The following ARHGAP32 variants were observed in gnomAD, a reference collection of about 807,000 sequenced individuals.
The protein encoded by ARHGAP32 is rho GTPase-activating protein 32.
In ARHGAP32, 51 loss-of-function variants were observed where a neutral mutation model predicts 186.5. That is an observed-to-expected ratio of 0.27 (90% confidence interval 0.22 to 0.35). The LOEUF (loss-of-function observed/expected upper bound fraction) is 0.35. ARHGAP32 is among the 10% of genes least tolerant of loss of function. ARHGAP32 has a pLI of 1.00. For synonymous variants in ARHGAP32, 950 were observed against 964.3 expected (o/e 0.99, Z 0.27); for missense variants, 2,186 against 2,623.5 (o/e 0.83, Z 3.64).
In ARHGAP32 at chr11:129,131,822, T is replaced by G. The variant is rs535148719; in HGVS notation, c.226-6928A>C. ...GAGAAACAATAAAGGAAGACCCTACTGTATAAAGTCTGTGGGGATAACCCT... is the reference window on the plus strand; with the variant it reads ...GAGAAACAATAAAGGAAGACCCTACGGTATAAAGTCTGTGGGGATAACCCT... On this transcript the variant is annotated intron_variant, in intron 2 of 22. Coordinates refer to ENST00000682385, the MANE Select transcript of ARHGAP32 (RefSeq NM_001378024.1). 2.6e-5 allele frequency among the ~76,000 whole-genome samples: 4 copies of G among 152,274 alleles called. No individual in the cohort carries two copies. In the East Asian group the frequency reaches 7.7e-4, roughly 29 times the overall value.
At chr11:129,031,271 AC>A (rs1280459512) in intron 11 of ARHGAP32, among the ~76,000 whole-genome samples, 8 of 152,188 alleles carry the variant, frequency 5.3e-5, no homozygotes, top group Non-Finnish European at 1.0e-4. Flanking sequence ...TCAATAAATA[AC>A]AGTTGACATT....
intron 15 of ARHGAP32, among the ~76,000 whole-genome samples, chr11:128,983,200 A>C (rs1203083939): frequency 2.6e-5 from 4 of 152,196 alleles, no homozygotes; most frequent in African/African-American, 7.2e-5. Flanking sequence ...TAGCAGTGGC[A>C]GTGCTGCATT....
intron 1 of ARHGAP32, among the ~76,000 whole-genome samples, chr11:129,268,186 A>C (rs976621871): frequency 1.3e-5 from 2 of 152,184 alleles, no homozygotes; most frequent in African/African-American, 2.4e-5. Context: ...TATGAGGAAT[A>C]GTTGAAGAAA....
At chr11:129,277,362 A>C (rs1228715132) in intron 1 of ARHGAP32, among the ~76,000 whole-genome samples, 1 of 152,206 alleles carries the variant, frequency 6.6e-6, no homozygotes, top group Non-Finnish European at 1.5e-5. Context: ...ACTGGAATTC[A>C]AACCAACATC....
At chr11:129,156,213 A>C (rs1303111318) in intron 2 of ARHGAP32, among the ~76,000 whole-genome samples, 1 of 152,106 alleles carries the variant, frequency 6.6e-6, no homozygotes, top group Admixed American at 6.5e-5. Flanking sequence ...TTCATACCCC[A>C]GTGGCGCCTG....
At chr11:128,997,894 T>C (rs1282117221) in intron 12 of ARHGAP32, among the ~76,000 whole-genome samples, 3 of 152,074 alleles carry the variant, frequency 2.0e-5, no homozygotes, top group Non-Finnish European at 4.4e-5. Context: ...GCCCTGTCTC[T>C]TTAAAAACAA....
chr11:129,080,965 T>C (rs1440570722), intron 6 of ARHGAP32, among the ~76,000 whole-genome samples: 3 of 152,006 alleles, frequency 2.0e-5, no homozygotes, highest in African/African-American at 7.2e-5. Flanking sequence ...TTCAAAGATA[T>C]TATGAACTAC....
At chr11:129,063,042 T>C (rs1050769960) in intron 9 of ARHGAP32, among the ~76,000 whole-genome samples, 2 of 131,998 alleles carry the variant, frequency 1.5e-5, no homozygotes, top group African/African-American at 5.4e-5. Context: ...TCAATGGAAG[T>C]TATATTCTTC....
At chr11:129,228,162 T>G (rs980632230) in intron 1 of ARHGAP32, among the ~76,000 whole-genome samples, 15 of 152,024 alleles carry the variant, frequency 9.9e-5, no homozygotes, top group Non-Finnish European at 1.3e-4. Context: ...AATAGGAAAA[T>G]ACTTTGAGAC....
At chr11:129,152,892 T>C (rs1482611242) in intron 2 of ARHGAP32, among the ~76,000 whole-genome samples, 1 of 152,018 alleles carries the variant, frequency 6.6e-6, no homozygotes, top group Non-Finnish European at 1.5e-5. Context: ...GCCGGAACAA[T>C]CAGACAAGAT....
intron 6 of ARHGAP32, among the ~76,000 whole-genome samples, chr11:129,072,953 C>G (rs1940916690): frequency 6.6e-6 from 1 of 152,166 alleles, no homozygotes; most frequent in Admixed American, 6.5e-5. Context: ...AAGCTTTCCA[C>G]TGGGGAGAAG....
intron 11 of ARHGAP32, among the ~76,000 whole-genome samples, chr11:129,013,649 T>C (rs1179643270): frequency 6.6e-6 from 1 of 152,228 alleles, no homozygotes; most frequent in African/African-American, 2.4e-5. Context: ...AACTATTCAA[T>C]TTAATTATAC....
At chr11:129,255,204 G>A (rs999882336) in intron 1 of ARHGAP32, among the ~76,000 whole-genome samples, 2 of 152,050 alleles carry the variant, frequency 1.3e-5, no homozygotes, top group Admixed American at 1.3e-4. Flanking sequence ...AATAACAGAA[G>A]AGAATAAACA....
chr11:129,125,553 C>T (rs1942640335), intron 2 of ARHGAP32, among the ~76,000 whole-genome samples: 1 of 151,880 alleles, frequency 6.6e-6, no homozygotes, highest in Non-Finnish European at 1.5e-5. Flanking sequence ...TTATGATAGC[C>T]CATGCCACAT....
In ARHGAP32 at chr11:128,974,548, G is replaced by A. The variant is rs1945489124; in HGVS notation, c.2649C>T (p.Asp883=). The A allele has an allele frequency of 1.2e-6, 2 of 1,614,220 alleles. No homozygotes were observed. The highest frequency in any genetic ancestry group is 1.7e-6 in the Non-Finnish European group (2 of 1,180,036). The change falls in exon 21 of 23, where the codon GAC becomes GAT. Residue 883 remains aspartate, a synonymous_variant. Coordinates refer to ENST00000682385, the MANE Select transcript of ARHGAP32 (RefSeq NM_001378024.1). ...ATGATTTATCTTCAGTTGGGCTCAA[G>A]TCCAGGGTAAAGAATGGACTCAGTT... ...QEKLSPFFTL[D]LSPTEDKSSK...
Position 128,969,430 on chromosome 11 carries a change from G to T in ARHGAP32, c.5783C>A (p.Thr1928Asn), listed in dbSNP as rs946719410. The change falls in exon 23 of 23, where the codon ACT becomes AAT. Residue 1928 changes from threonine to asparagine, a missense_variant. Coordinates refer to ENST00000682385, the MANE Select transcript of ARHGAP32 (RefSeq NM_001378024.1). The surrounding 1 kb of genome is among the most constrained non-coding windows in gnomAD (Gnocchi z 4.8). The stretch of plus-strand genomic sequence containing the variant: ...GTTGTGGTAGCTGACTGGCTCAGAA[G>T]TGTCTGGAATCCCTTTGGACCCATA... ...LDYGSKGIPD[T>N]SEPVSYHNSG... 1 of 1,614,110 alleles carries T rather than the reference G, an allele frequency of 6.2e-7. No homozygotes were observed. The highest frequency in any genetic ancestry group is 2.2e-5 in the East Asian group (1 of 44,904).
rs35010486 is a variant in ARHGAP32 at position 129,034,851 on chromosome 11, TAA to T, written c.1045+6075_1045+6076del. On this transcript the variant is annotated intron_variant, in intron 11 of 22. Coordinates refer to ENST00000682385, the MANE Select transcript of ARHGAP32 (RefSeq NM_001378024.1). ...GAAAAAGAAGAAAAAGAAAACAGAG[TAA>T]AAAAAAAAAAAGAAAAAACAGAGTC... Among the ~76,000 whole-genome samples the T allele has an allele frequency of 2.2e-3, 304 of 137,128 alleles. 1 individual carries two copies. The highest frequency in any genetic ancestry group is 5.3e-3 in the African/African-American group (197 of 37,384). 90.0% of individuals were successfully genotyped at this position (137,128 alleles called of 152,430 possible).
chr11:129,119,815 C>T (rs988575036), intron 5 of ARHGAP32, among the ~76,000 whole-genome samples: 8 of 151,816 alleles, frequency 5.3e-5, no homozygotes, highest in African/African-American at 1.7e-4. Flanking sequence ...GTAAAGGAAA[C>T]AAAAAGTACC....
chr11:129,059,099 T>C (rs1166689027), intron 10 of ARHGAP32, among the ~76,000 whole-genome samples: 1 of 152,210 alleles, frequency 6.6e-6, no homozygotes, highest in African/African-American at 2.4e-5. Context: ...CCTTTCCATA[T>C]GGTAGAAAAC....
Sources: gnomAD v4.1 joint callset for allele counts (sites outside exome capture counted in the v4.1 genomes callset) on GRCh38, gnomAD v4.1.1 for gene constraint, Gnocchi (gnomAD v3.1) non-coding constraint, MANE v1.5 for transcripts, NCBI Gene and HGNC (gene_info 2026-07-23, HGNC 2026-07-21) for gene names.